KCNH8: variants seen among roughly 807,000 people sequenced by gnomAD.
The protein encoded by KCNH8 is voltage-gated delayed rectifier potassium channel KCNH8.
A neutral mutation model predicts 103.6 loss-of-function variants in KCNH8; 70 were observed. The ratio of observed to expected loss-of-function variants is 0.68; its 90% CI spans 0.56 to 0.82. The LOEUF (loss-of-function observed/expected upper bound fraction) is 0.82. Ranked by LOEUF, KCNH8 falls within the 40% of genes least tolerant of loss-of-function variation. The pLI, the probability that KCNH8 is intolerant of heterozygous loss-of-function variation, is 0.00. For synonymous variants in KCNH8, 498 were observed against 489.4 expected (o/e 1.02, Z -0.23); for missense variants, 1,217 against 1,329.9 (o/e 0.92, Z 1.32).
chr3:19,432,329 A>G (rs1424676227), intron 7 of KCNH8, among the ~76,000 whole-genome samples: 2 of 152,144 alleles, frequency 1.3e-5, no homozygotes, highest in African/African-American at 2.4e-5. Context: ...GCTGCCAGGA[A>G]ACTACCAAAA....
At chr3:19,485,554 C>A (rs183006562) in intron 11 of KCNH8, among the ~76,000 whole-genome samples, 1 of 152,180 alleles carries the variant, frequency 6.6e-6, no homozygotes, top group Non-Finnish European at 1.5e-5. Context: ...GATTGTGGCT[C>A]CCAGAAACTG....
At position 19,148,564 on chromosome 3, in the gene KCNH8, C is replaced by T. The variant is rs754275753; in HGVS notation, c.-156C>T. 6 of 707,996 alleles carry T rather than the reference C, an allele frequency of 8.5e-6. No individual in the cohort carries two copies. Among genetic ancestry groups the T allele is most frequent in the Admixed American group, 4.3e-5 (2 of 45,984 alleles). The allele number at this position is 707,996 out of a possible 1,614,324, so 43.9% of individuals were successfully genotyped here. A position where few individuals can be genotyped will look rare whatever the true frequency, so the allele number is the denominator to read the frequency against. Reference sequence around the variant, plus strand: ...GGCGGCTGGAACTCTCTCCCTTTCTCCCTCCATCCTTCCACTTCCCCTGCT... The same window carrying T: ...GGCGGCTGGAACTCTCTCCCTTTCTTCCTCCATCCTTCCACTTCCCCTGCT... On this transcript the variant is annotated 5_prime_UTR_variant, in exon 1 of 16. Transcript: ENST00000328405.
At chr3:19,216,654 C>T (rs978784241) in intron 1 of KCNH8, among the ~76,000 whole-genome samples, 19 of 152,068 alleles carry the variant, frequency 1.2e-4, no homozygotes, top group African/African-American at 4.3e-4. Flanking sequence ...GATTTTAGTC[C>T]CTTTTGTGTA....
chr3:19,225,632 T>C (rs1026713329), intron 1 of KCNH8, among the ~76,000 whole-genome samples: 8 of 152,284 alleles, frequency 5.3e-5, no homozygotes, highest in Admixed American at 1.3e-4. Context: ...TTTAGAAAAT[T>C]GTTGACTCAC....
chr3:19,265,477 C>T (rs781195781), intron 2 of KCNH8, among the ~76,000 whole-genome samples: 2 of 152,032 alleles, frequency 1.3e-5, no homozygotes, highest in African/African-American at 4.8e-5. Flanking sequence ...AATGAATATT[C>T]TTTCCACCCC....
chr3:19,376,956 C>G (rs567422627), intron 5 of KCNH8, among the ~76,000 whole-genome samples: 58 of 152,116 alleles, frequency 3.8e-4, no homozygotes, highest in Non-Finnish European at 7.3e-4. Flanking sequence ...ATGCTGTGCA[C>G]AGGTAAGGCA....
chr3:19,268,937 A>C (rs1341358886), intron 2 of KCNH8, among the ~76,000 whole-genome samples: 1 of 152,138 alleles, frequency 6.6e-6, no homozygotes, highest in Non-Finnish European at 1.5e-5. Flanking sequence ...TTACTTTGGG[A>C]AATGAGAAAG....
intron 1 of KCNH8, among the ~76,000 whole-genome samples, chr3:19,155,765 G>A (rs2063175265): frequency 6.6e-6 from 1 of 152,202 alleles, no homozygotes; most frequent in Non-Finnish European, 1.5e-5. Flanking sequence ...GAGGCTCCGA[G>A]TAAAGTTACA....
At chr3:19,457,103 A>C in intron 11 of KCNH8, 121 bp downstream of exon 11, 1 of 588,188 alleles carries the variant, frequency 1.7e-6, no homozygotes, top group Non-Finnish European at 3.0e-6. Flanking sequence ...TAAGACGTGA[A>C]TATTCAGCCA....
chr3:19,239,146 C>T (rs2125243442), intron 1 of KCNH8, among the ~76,000 whole-genome samples: 1 of 151,460 alleles, frequency 6.6e-6, no homozygotes, highest in Non-Finnish European at 1.5e-5. Flanking sequence ...GTGGTTTAAA[C>T]AAATAGGACT....
At chr3:19,231,476 C>T (rs910617158) in intron 1 of KCNH8, among the ~76,000 whole-genome samples, 1 of 151,880 alleles carries the variant, frequency 6.6e-6, no homozygotes, top group Admixed American at 6.6e-5. Flanking sequence ...TTATTTAGTA[C>T]TTTCTTATTT....
At chr3:19,170,563 G>A (rs1277360256) in intron 1 of KCNH8, among the ~76,000 whole-genome samples, 1 of 146,492 alleles carries the variant, frequency 6.8e-6, no homozygotes, top group African/African-American at 2.6e-5. Context: ...CCTTCAGCAA[G>A]TGCCCCACTT....
At chr3:19,504,995 ATC>A (rs959617891) in intron 11 of KCNH8, among the ~76,000 whole-genome samples, 17 of 151,202 alleles carry the variant, frequency 1.1e-4, no homozygotes, top group Non-Finnish European at 2.1e-4. Context: ...ACATATATAT[ATC>A]TCTCTCACAT....
intron 3 of KCNH8, among the ~76,000 whole-genome samples, chr3:19,292,293 G>C (rs1022926915): frequency 2.0e-5 from 3 of 152,166 alleles, no homozygotes; most frequent in African/African-American, 7.2e-5. Context: ...CTTCAAATTT[G>C]TTTTGAGAAT....
chr3:19,357,832 C>T (rs1017672694), intron 5 of KCNH8, among the ~76,000 whole-genome samples: 6 of 151,576 alleles, frequency 4.0e-5, no homozygotes, highest in Non-Finnish European at 5.9e-5. Context: ...AACAGGATAG[C>T]GTAATGGGGA....
intron 3 of KCNH8, among the ~76,000 whole-genome samples, chr3:19,297,866 C>G (rs1489170189): frequency 6.6e-6 from 1 of 152,198 alleles, no homozygotes; most frequent in Non-Finnish European, 1.5e-5. Context: ...AGATGCTTAT[C>G]AAGCTCTCCA....
intron 1 of KCNH8, among the ~76,000 whole-genome samples, chr3:19,193,486 T>C (rs2063572515): frequency 6.6e-6 from 1 of 151,698 alleles, no homozygotes; most frequent in Non-Finnish European, 1.5e-5. Flanking sequence ...ACCCAAGAGA[T>C]ACAATGATGA....
intron 3 of KCNH8, among the ~76,000 whole-genome samples, chr3:19,321,654 C>A (rs2125304034): frequency 6.6e-6 from 1 of 151,984 alleles, no homozygotes; most frequent in East Asian, 1.9e-4. Flanking sequence ...GTATATTATG[C>A]AGTTGTTGGG....
intron 1 of KCNH8, among the ~76,000 whole-genome samples, chr3:19,175,005 A>G (rs988347252): frequency 6.6e-6 from 1 of 152,086 alleles, no homozygotes; most frequent in Non-Finnish European, 1.5e-5. Flanking sequence ...ATGAAGTAGT[A>G]TTTTTTTAAT....
Sources: allele counts gnomAD v4.1 joint callset (sites outside exome capture counted in the v4.1 genomes callset), GRCh38; gene constraint gnomAD v4.1.1; transcripts MANE v1.5; gene names NCBI Gene and HGNC (gene_info 2026-07-23, HGNC 2026-07-21).